The following APC2 variants were observed in gnomAD, a reference collection of about 807,000 sequenced individuals.
APC2 encodes the protein APC regulator of Wnt signaling pathway 2.
In APC2, 41 loss-of-function variants were observed where a neutral mutation model predicts 72.5. That is an observed-to-expected ratio of 0.57 (90% CI 0.44 to 0.73). The LOEUF (loss-of-function observed/expected upper bound fraction) is 0.73, where lower values mean the gene tolerates loss of function less well. Ranked by LOEUF, APC2 falls within the 30% of genes least tolerant of loss-of-function variation. The pLI is 0.00. For synonymous variants in APC2, 1,898 were observed against 1,612.0 expected (o/e 1.18, Z -4.25); for missense variants, 3,729 against 3,403.4 (o/e 1.10, Z -2.38).
Position 1,452,866 on chromosome 19 carries a change from C to T in APC2, c.-18-118C>T. 3.9e-6 allele frequency: 5 copies of T among 1,271,640 alleles called. No individual in the cohort carries two copies. Among genetic ancestry groups the T allele is most frequent in the Non-Finnish European group, 5.3e-6 (5 of 938,422 alleles). 78.8% of individuals were successfully genotyped at this position (1,271,640 alleles called of 1,614,324 possible). ...ACACCAGTGACTCCTGCCTGAGACC[C>T]CCCCCAACCCAGGATCAGGCAGGAC... is the stretch of plus-strand genomic sequence containing the variant. On this transcript the variant is annotated intron_variant, in intron 1 of 14. Transcript: ENST00000590469. The surrounding 1 kb of genome is among the most constrained non-coding windows in gnomAD (Gnocchi z 5.1).
rs1477432753 is a variant in APC2, at chr19:1,450,235, C to T, written c.-122C>T. ...GCGGAGACCCCGGAGCCCGCGCGCT[C>T]CGAGGCCACCCCGGGCCGGGATTTC... On this transcript the variant is annotated 5_prime_UTR_variant, in exon 1 of 15. Coordinates refer to ENST00000590469, the MANE Select transcript of APC2 (RefSeq NM_005883.3). 3.0e-6 allele frequency: 3 copies of T among 985,268 alleles called. No homozygotes were observed. The African/African-American group carries it at 5.2e-5, about 17-fold the overall frequency. 61.0% of individuals were successfully genotyped at this position (985,268 alleles called of 1,614,324 possible). A position where few individuals can be genotyped will look rare whatever the true frequency, so the allele number is the denominator to read the frequency against.
chr19:1,456,727 A>C (rs1031359902), intron 8 of APC2, 126 bp from the exon 9 acceptor site: 4 of 1,233,084 alleles, frequency 3.2e-6, no homozygotes, highest in African/African-American at 3.1e-5. Flanking sequence ...GCGTCCCCTC[A>C]TCTGTCCCCC....
At position 1,466,078 on chromosome 19, in the gene APC2, G is replaced by T; in HGVS notation, c.2777G>T (p.Ser926Ile). ...GCCCACGCCAGCCTCTCCAACGACA[G>T]CCTCAACAGCGGCAGTGCCAGCGAC... ...KAAHASLSND[S>I]LNSGSASDGY... Residue 926 changes from serine to isoleucine, a missense_variant, in exon 15 of 15, where the codon AGC becomes ATC. Coordinates refer to ENST00000590469, the MANE Select transcript of APC2 (RefSeq NM_005883.3). The T allele has an allele frequency of 6.5e-7, 1 of 1,526,982 alleles. No homozygotes were observed. 94.6% of individuals were successfully genotyped at this position (1,526,982 alleles called of 1,614,324 possible).
chr19:1,453,297 G>A lies in APC2; in HGVS notation c.192G>A (p.Leu64=), dbSNP rs567484657. The change falls in exon 3 of 15, where the codon CTG becomes CTA. Residue 64 remains leucine (L), a synonymous_variant. Coordinates refer to ENST00000590469, the MANE Select transcript of APC2 (RefSeq NM_005883.3). ...AACTGGAGCAGGAGGCCCGAGTGCT[G>A]GTGTCCTCGGGGCAGACGGAGGTGC... ...QGKLEQEARV[L]VSSGQTEVLE... The A allele has an allele frequency of 1.3e-6, 2 of 1,587,472 alleles. No individual in the cohort carries two copies. Among genetic ancestry groups the A allele is most frequent in the Admixed American group, 1.8e-5 (1 of 54,454 alleles).
chr19:1,456,462 G>A, intron 8 of APC2, 58 bp downstream of exon 8: 2 of 1,478,136 alleles, frequency 1.4e-6, no homozygotes, highest in East Asian at 2.5e-5. Flanking sequence ...AGGGGGATCA[G>A]GTCTGCATCC....
At chr19:1,448,515 CA>C (rs2083706905), upstream of APC2, among the ~76,000 whole-genome samples, 1 of 147,884 alleles carries the variant, frequency 6.8e-6, no homozygotes, top group Non-Finnish European at 1.5e-5. Flanking sequence ...CACTGCACTG[CA>C]GCCTGGGGGA....
Position 1,458,053 on chromosome 19 carries a change from C to G in APC2, c.1296C>G (p.Asn432Lys). The change falls in exon 10 of 15, where the codon AAC becomes AAG. Residue 432 changes from asparagine (N) to lysine (K), a missense_variant. Transcript: ENST00000590469. ...ATGAGGAGTACCGCCGTGCCATGAA[C>G]GAGCTAGGTGAGTGTCCCAGGTCCT... Reference protein sequence around the residue: ...SFDEEYRRAMNELGGLQAVAE... With the variant: ...SFDEEYRRAMKELGGLQAVAE... 2 of 1,561,376 alleles carry G rather than the reference C, an allele frequency of 1.3e-6. No individual in the cohort carries two copies. Among genetic ancestry groups the G allele is most frequent in the Non-Finnish European group, 1.7e-6 (2 of 1,151,630 alleles).
intron 14 of APC2, 67 bp from the exon 15 acceptor site, chr19:1,465,088 C>A: frequency 1.3e-6 from 2 of 1,528,930 alleles, no homozygotes; most frequent in Admixed American, 2.1e-5. Context: ...CACATCTGGC[C>A]CCCCCATCCT....
Position 1,470,291 on chromosome 19 carries a change from G to A in APC2, c.*78G>A. 1 of 1,447,992 alleles carries A rather than the reference G, an allele frequency of 6.9e-7. No homozygotes were observed. 89.7% of individuals were successfully genotyped at this position (1,447,992 alleles called of 1,614,324 possible). A position where few individuals can be genotyped will look rare whatever the true frequency, so the allele number is the denominator to read the frequency against. ...GGCTGCCCCATGGGCCTGCGCTGTAGACGTCCCCCATAGGTCGCCCCAGGG... is the reference window on the plus strand; with the variant it reads ...GGCTGCCCCATGGGCCTGCGCTGTAAACGTCCCCCATAGGTCGCCCCAGGG... On this transcript the variant is annotated 3_prime_UTR_variant, in exon 15 of 15. Transcript: ENST00000590469.
rs1334348077 is a variant in APC2 at position 1,468,675 on chromosome 19, A to T, written c.5374A>T (p.Thr1792Ser). 10 of 1,572,538 alleles carry T rather than the reference A, an allele frequency of 6.4e-6. No individual in the cohort carries two copies. Among genetic ancestry groups the T allele is most frequent in the Non-Finnish European group, 8.6e-6 (10 of 1,156,104 alleles). The change falls in exon 15 of 15, where the codon ACA (threonine) becomes TCA (serine). Residue 1792 changes from threonine to serine, a missense_variant. Physicochemically the swap from Thr to Ser is moderately conservative, Grantham distance 58 (BLOSUM62 1). Transcript: ENST00000590469. ...PGVPAVLRGR[T>S]VIYVPSPAPR... is the part of the protein sequence containing the mutation. ...GGTGCCAGCTGTGCTCCGGGGACGA[A>T]CAGTGATCTACGTCCCCAGCCCGGC...
rs746421696 is a variant in APC2, at chr19:1,468,224, G to A, written c.4923G>A (p.Arg1641=). ...TCAGCTCGGCCCTGCCCAGGCGCCG[G>A]CCCCCCGTGTCTGGCCTGCGGCGCC... ...RCISSALPRR[R]PPVSGLRRRK... Residue 1641 remains arginine (R), a synonymous_variant, in exon 15 of 15, where the codon CGG becomes CGA. Coordinates refer to ENST00000590469, the MANE Select transcript of APC2 (RefSeq NM_005883.3). 71 of 1,478,032 alleles carry A rather than the reference G, an allele frequency of 4.8e-5. No individual in the cohort carries two copies. Among genetic ancestry groups the A allele is most frequent in the Non-Finnish European group, 6.1e-5 (69 of 1,122,412 alleles). The allele number at this position is 1,478,032 out of a possible 1,614,324, so 91.6% of individuals were successfully genotyped here. A position where few individuals can be genotyped will look rare whatever the true frequency, so the allele number is the denominator to read the frequency against.
intron 4 of APC2, among the ~76,000 whole-genome samples, 153 bp from the exon 5 acceptor site, chr19:1,454,996 C>G (rs953394103): frequency 1.1e-4 from 16 of 139,638 alleles, no homozygotes; most frequent in East Asian, 4.2e-4. Context: ...ACCCCCCCCC[C>G]CTTACCCTAG....
At position 1,452,789 on chromosome 19, in the gene APC2, C is replaced by T. The variant is rs2083759372; in HGVS notation, c.-18-195C>T. 3.2e-6 allele frequency: 2 copies of T among 621,634 alleles called. No individual in the cohort carries two copies. Among genetic ancestry groups the T allele is most frequent in the Non-Finnish European group, 5.5e-6 (2 of 366,636 alleles). 38.5% of individuals were successfully genotyped at this position (621,634 alleles called of 1,614,324 possible). On this transcript the variant is annotated intron_variant, in intron 1 of 14. Coordinates refer to ENST00000590469, the MANE Select transcript of APC2 (RefSeq NM_005883.3). The surrounding 1 kb of genome is among the most constrained non-coding windows in gnomAD (Gnocchi z 5.1). ...TGGGGCCACCTCTCACTCCACCTGCCCCTCTGCGCCCCGGATTGCCTGGCC... is the reference window on the plus strand; with the variant it reads ...TGGGGCCACCTCTCACTCCACCTGCTCCTCTGCGCCCCGGATTGCCTGGCC...
Position 1,454,333 on chromosome 19 carries a change from A to G in APC2, c.413+722A>G, listed in dbSNP as rs560759738. Among the ~76,000 whole-genome samples the G allele has an allele frequency of 4.6e-5, 7 of 151,370 alleles. No homozygotes were observed. In the East Asian group the frequency reaches 1.4e-3, roughly 29 times the overall value. ...GACAGCCTCCCTCAGTCTTTCTTCA[A>G]GGAGGAGAATTTCCAAAGGAATTGC... is the stretch of plus-strand genomic sequence containing the variant. On this transcript the variant is annotated intron_variant, in intron 4 of 14. Coordinates refer to ENST00000590469, the MANE Select transcript of APC2 (RefSeq NM_005883.3).
At chr19:1,447,472 G>T (rs2083697981), upstream of APC2, among the ~76,000 whole-genome samples, 1 of 152,142 alleles carries the variant, frequency 6.6e-6, no homozygotes, top group Non-Finnish European at 1.5e-5. Flanking sequence ...GGGCGTGGAG[G>T]ACCCCAGGGA....
Position 1,450,326 on chromosome 19 carries a change from T to C in APC2, c.-31T>C, listed in dbSNP as rs1230523591. 13 of 985,362 alleles carry C rather than the reference T, an allele frequency of 1.3e-5. No individual in the cohort carries two copies. The Admixed American group carries it at 8.0e-4, about 61-fold the overall frequency. The allele number at this position is 985,362 out of a possible 1,614,324, so 61.0% of individuals were successfully genotyped here. A position where few individuals can be genotyped will look rare whatever the true frequency, so the allele number is the denominator to read the frequency against. On this transcript the variant is annotated 5_prime_UTR_variant, in exon 1 of 15. Transcript: ENST00000590469. Reference sequence around the variant, plus strand: ...GACCCAGGCGCCCCGCCAGCCCAGCTGCACGTAAGCGGGTGTGTGTCCTCG... The same window carrying C: ...GACCCAGGCGCCCCGCCAGCCCAGCCGCACGTAAGCGGGTGTGTGTCCTCG...
chr19:1,462,224 C>T (rs563443982), intron 14 of APC2, 47 bp downstream of exon 14: 16 of 1,446,046 alleles, frequency 1.1e-5, no homozygotes, highest in East Asian at 5.4e-5. Context: ...GCGCTCGGGG[C>T]GGGCACAGGG....
rs1367364116 is a variant in APC2, at chr19:1,457,054, G to T, written c.1018G>T (p.Ala340Ser). 3.3e-6 allele frequency: 5 copies of T among 1,533,582 alleles called. No individual in the cohort carries two copies. Among genetic ancestry groups the T allele is most frequent in the South Asian group, 1.2e-5 (1 of 82,704 alleles). 95.0% of individuals were successfully genotyped at this position (1,533,582 alleles called of 1,614,324 possible). The change falls in exon 9 of 15, where the codon GCC becomes TCC. Residue 340 changes from alanine (A) to serine (S), a missense_variant. By Grantham distance (99) the Ala-to-Ser change is moderately conservative. Transcript: ENST00000590469. ...CGCCGGGGCCCCAGGGGCACCGGGC[G>T]CCAAGGACGCACGCATGCGCGCCAA... is the stretch of plus-strand genomic sequence containing the variant. ...GRAGAPGAPGAKDARMRANAA... is the reference protein window; with the variant it reads ...GRAGAPGAPGSKDARMRANAA...
intron 9 of APC2, 147 bp from the exon 10 acceptor site, chr19:1,457,818 G>A (rs1300546640): frequency 8.7e-6 from 6 of 692,040 alleles, no homozygotes; most frequent in African/African-American, 7.3e-5. Flanking sequence ...ATCTTAGAGA[G>A]GCTGGGAAAG....
Sources: gnomAD v4.1 joint callset for allele counts (sites outside exome capture counted in the v4.1 genomes callset) on GRCh38, gnomAD v4.1.1 for gene constraint, Gnocchi (gnomAD v3.1) non-coding constraint, MANE v1.5 for transcripts, NCBI Gene and HGNC (gene_info 2026-07-23, HGNC 2026-07-21) for gene names.